Variants in NETO2 observed in about 807,000 individuals in gnomAD.
NETO2 encodes the protein neuropilin and tolloid like 2.
NETO2 carries 28 observed loss-of-function variants against 62.5 expected under a neutral mutation model. The observed-to-expected ratio is 0.45, with a 90% CI of 0.33 to 0.61. The LOEUF is 0.61. Among genes scored for constraint, NETO2 ranks in the 20% least tolerant of loss-of-function variants. NETO2 has a pLI of 0.02. For missense variants in NETO2, 548 were observed against 643.2 expected (o/e 0.85, Z 1.60); for synonymous variants, 214 against 219.1 (o/e 0.98, Z 0.21).
At chr16:47,126,136 T>C (rs1300647952) in intron 4 of NETO2, among the ~76,000 whole-genome samples, 1 of 152,228 alleles carries the variant, frequency 6.6e-6, no homozygotes, top group Non-Finnish European at 1.5e-5. Context: ...GGTTCATCCA[T>C]GTTGTGGCAT....
At position 47,091,559 on chromosome 16, in the gene NETO2, G is replaced by A. The variant is rs56308642; in HGVS notation, c.884-5220C>T. On this transcript the variant is annotated intron_variant, in intron 7 of 8. Coordinates refer to ENST00000562435, the MANE Select transcript of NETO2 (RefSeq NM_018092.5). ...AACCCAACATATCAGTGCAGAAAGA[G>A]TTAACATTATAGCAGGCCTGAGGGT... Among the ~76,000 whole-genome samples the A allele has an allele frequency of 6.8e-3, 1,042 of 152,278 alleles. 12 individuals are homozygous for A. Among genetic ancestry groups the A allele is most frequent in the Middle Eastern group, 0.041 (12 of 294 alleles).
chr16:47,123,637 C>T (rs1479939468), intron 4 of NETO2, among the ~76,000 whole-genome samples: 1 of 152,086 alleles, frequency 6.6e-6, no homozygotes, highest in African/African-American at 2.4e-5. Flanking sequence ...ATATACCTAA[C>T]AGCCAGAATA....
rs1377335022 is a variant in NETO2, at chr16:47,081,401, T to C, written c.*1820A>G. 6.6e-6 allele frequency: 1 copy of C among 152,318 alleles called. No individual in the cohort carries two copies. The highest frequency in any genetic ancestry group is 2.4e-5 in the African/African-American group (1 of 41,458). 9.4% of individuals were successfully genotyped at this position (152,318 alleles called of 1,614,324 possible). A position where few individuals can be genotyped will look rare whatever the true frequency, so the allele number is the denominator to read the frequency against. On this transcript the variant is annotated 3_prime_UTR_variant, in exon 9 of 9. Transcript: ENST00000562435. ...CAAGTCTTTTCATGTTTCCACGTTA[T>C]ATTTTTAAAACAAGAAACTAGGCTG...
intron 8 of NETO2, 151 bp downstream of exon 8, chr16:47,086,075 C>T: frequency 1.5e-6 from 1 of 646,050 alleles, no homozygotes. Context: ...CACTGCACTC[C>T]AGCCTGGGCG....
At chr16:47,111,869 A>T (rs1963808536) in intron 6 of NETO2, among the ~76,000 whole-genome samples, 1 of 151,164 alleles carries the variant, frequency 6.6e-6, no homozygotes, top group African/African-American at 2.4e-5. Flanking sequence ...GGCTTTTCCA[A>T]CTCCCTACAC....
At chr16:47,140,052 C>G (rs900430101) in intron 1 of NETO2, among the ~76,000 whole-genome samples, 7 of 152,154 alleles carry the variant, frequency 4.6e-5, no homozygotes, top group Non-Finnish European at 8.8e-5. Context: ...ATTAGTATAC[C>G]CTGTAATTTT....
intron 6 of NETO2, among the ~76,000 whole-genome samples, chr16:47,115,192 T>A (rs1963883708): frequency 6.6e-6 from 1 of 152,228 alleles, no homozygotes; most frequent in African/African-American, 2.4e-5. Context: ...TTTGTTCTTT[T>A]TCAGAATAAT....
chr16:47,125,349 G>GT (rs1230159463), intron 4 of NETO2, among the ~76,000 whole-genome samples: 3,581 of 144,238 alleles, frequency 0.025, 99 homozygotes, highest in African/African-American at 0.072. Flanking sequence ...CTAGCTACTA[G>GT]TTTTTTTTTT....
At chr16:47,134,833 T>A (rs775766721) in intron 1 of NETO2, among the ~76,000 whole-genome samples, 3 of 152,234 alleles carry the variant, frequency 2.0e-5, no homozygotes, top group Non-Finnish European at 4.4e-5. Context: ...AACTGCTTTA[T>A]GAAATTTGCA....
At chr16:47,088,035 A>G (rs1394099387) in intron 7 of NETO2, among the ~76,000 whole-genome samples, 2 of 152,248 alleles carry the variant, frequency 1.3e-5, no homozygotes, top group Non-Finnish European at 2.9e-5. Context: ...AAAACATATG[A>G]AAGTCAAGAA....
intron 6 of NETO2, among the ~76,000 whole-genome samples, chr16:47,117,056 G>C (rs1455047278): frequency 2.6e-5 from 4 of 151,898 alleles, no homozygotes; most frequent in Non-Finnish European, 5.9e-5. Context: ...ATTTTTTCTA[G>C]TATCATTTAT....
intron 7 of NETO2, among the ~76,000 whole-genome samples, chr16:47,093,127 T>TA (rs1396013827): frequency 6.6e-6 from 1 of 152,200 alleles, no homozygotes; most frequent in African/African-American, 2.4e-5. Flanking sequence ...CTGATGCCTG[T>TA]AAGATGAGTC....
At chr16:47,131,248 G>C (rs1028746466) in intron 2 of NETO2, among the ~76,000 whole-genome samples, 1 of 152,086 alleles carries the variant, frequency 6.6e-6, no homozygotes. Flanking sequence ...GTGCGTGAAA[G>C]AGCTAAATTC....
intron 1 of NETO2, among the ~76,000 whole-genome samples, chr16:47,142,040 TAGC>T (rs1034143598): frequency 1.3e-5 from 2 of 152,164 alleles, no homozygotes; most frequent in African/African-American, 4.8e-5. Context: ...GCACGGTCAG[TAGC>T]ATGCTGACAA....
intron 8 of NETO2, among the ~76,000 whole-genome samples, chr16:47,084,410 G>A (rs1316333863): frequency 6.6e-6 from 1 of 152,206 alleles, no homozygotes; most frequent in East Asian, 1.9e-4. Context: ...CACTGCAGGA[G>A]GTGAGCTGCG....
chr16:47,139,250 C>T lies in NETO2; in HGVS notation c.34+4329G>A, dbSNP rs372658937. Among the ~76,000 whole-genome samples, 513 of 152,278 alleles carry T rather than the reference C, an allele frequency of 3.4e-3. 3 individuals are homozygous for T. Among genetic ancestry groups the T allele is most frequent in the Middle Eastern group, 0.01 (3 of 294 alleles). ...TCTTTGTAACCGCAAACACATAGCA[C>T]AGTAACTGACAGGCACACATCTTGG... On this transcript the variant is annotated intron_variant, in intron 1 of 8. Transcript: ENST00000562435.
chr16:47,110,252 A>T (rs1052631123), intron 6 of NETO2, among the ~76,000 whole-genome samples: 4 of 152,200 alleles, frequency 2.6e-5, no homozygotes, highest in Non-Finnish European at 4.4e-5. Context: ...ACTGTTCTAC[A>T]TGGTTGCTTT....
At chr16:47,123,533 T>C (rs1021015027) in intron 4 of NETO2, among the ~76,000 whole-genome samples, 1 of 151,998 alleles carries the variant, frequency 6.6e-6, no homozygotes, top group African/African-American at 2.4e-5. Context: ...AATTTTGTTA[T>C]GTATATTTTT....
At chr16:47,092,399 T>C (rs567399577) in intron 7 of NETO2, among the ~76,000 whole-genome samples, 2 of 152,322 alleles carry the variant, frequency 1.3e-5, no homozygotes, top group African/African-American at 4.8e-5. Flanking sequence ...ACATTCTCAT[T>C]TTAACATATA....
Sources: gnomAD v4.1 joint callset for allele counts (sites outside exome capture counted in the v4.1 genomes callset) on GRCh38, gnomAD v4.1.1 for gene constraint, MANE v1.5 for transcripts, NCBI Gene and HGNC (gene_info 2026-07-23, HGNC 2026-07-21) for gene names.